Variants in LRBA observed in about 807,000 individuals in gnomAD.
LRBA encodes lipopolysaccharide-responsive and beige-like anchor protein.
Under a neutral mutation model 330.0 loss-of-function variants are expected in LRBA, and 176 were observed. That is an observed-to-expected ratio of 0.53 (90% confidence interval 0.47 to 0.60). The LOEUF (loss-of-function observed/expected upper bound fraction) is 0.60. Ranked by LOEUF, LRBA falls within the 20% of genes least tolerant of loss-of-function variation. The pLI, the probability that LRBA is intolerant of heterozygous loss-of-function variation, is 0.00. For missense variants in LRBA, 3,259 were observed against 3,444.8 expected, an observed-to-expected ratio of 0.95 and a Z score of 1.35; for synonymous variants, 1,230 against 1,193.0, an observed-to-expected ratio of 1.03 and a Z score of -0.64.
chr4:150,489,605 A>AATATATAAGAATATATT (rs1561252190), intron 41 of LRBA, among the ~76,000 whole-genome samples: 23 of 70,026 alleles, frequency 3.3e-4, no homozygotes, highest in African/African-American at 1.1e-3. Context: ...AAGAATATAT[A>AATATATAAGAATATATT]ATATATAATA....
intron 40 of LRBA, among the ~76,000 whole-genome samples, chr4:150,551,189 A>G (rs1036528685): frequency 2.6e-5 from 4 of 152,230 alleles, no homozygotes; most frequent in African/African-American, 9.6e-5. Flanking sequence ...CTCACCAGGT[A>G]CTGGCACCAT....
intron 36 of LRBA, among the ~76,000 whole-genome samples, chr4:150,697,333 A>C (rs1253496140): frequency 1.4e-5 from 2 of 146,628 alleles, no homozygotes; most frequent in African/African-American, 5.0e-5. Flanking sequence ...CAGAAAAAAA[A>C]AAAAAAAAAA....
At chr4:150,595,020 T>A (rs1561401810) in intron 38 of LRBA, among the ~76,000 whole-genome samples, 1 of 151,966 alleles carries the variant, frequency 6.6e-6, no homozygotes, top group African/African-American at 2.4e-5. Context: ...TTAGCATTTT[T>A]AAAAAAGACT....
intron 4 of LRBA, among the ~76,000 whole-genome samples, chr4:150,927,062 T>C (rs1221394408): frequency 1.5e-5 from 2 of 136,094 alleles, no homozygotes; most frequent in African/African-American, 5.6e-5. Context: ...AGAGCAAGAC[T>C]CCGTCTCAAA....
At chr4:150,520,836 A>AT (rs1295296247) in intron 40 of LRBA, among the ~76,000 whole-genome samples, 1 of 152,190 alleles carries the variant, frequency 6.6e-6, no homozygotes, top group East Asian at 1.9e-4. Context: ...TAACTATGCT[A>AT]TATAATAGTA....
At chr4:150,434,271 T>A (rs1386998607) in intron 46 of LRBA, among the ~76,000 whole-genome samples, 3 of 151,266 alleles carry the variant, frequency 2.0e-5, no homozygotes, top group Non-Finnish European at 3.0e-5. Context: ...AGACACCATT[T>A]AAAAAAAAAT....
intron 53 of LRBA, among the ~76,000 whole-genome samples, chr4:150,296,510 G>T (rs1203064618): frequency 1.3e-5 from 2 of 151,988 alleles, no homozygotes; most frequent in East Asian, 3.9e-4. Context: ...GAAATGTAAT[G>T]ATATACTTAG....
intron 2 of LRBA, among the ~76,000 whole-genome samples, chr4:150,970,030 A>C (rs1010201764): frequency 7.2e-5 from 11 of 152,210 alleles, no homozygotes; most frequent in African/African-American, 2.7e-4. Flanking sequence ...TGATTTTAAC[A>C]ACTTTTCACA....
intron 40 of LRBA, among the ~76,000 whole-genome samples, chr4:150,563,124 A>C (rs959972051): frequency 6.6e-6 from 1 of 152,096 alleles, no homozygotes; most frequent in Non-Finnish European, 1.5e-5. Context: ...CCTTATGACA[A>C]ATTTGTATAT....
At chr4:150,995,890 T>C (rs1261287029) in intron 2 of LRBA, among the ~76,000 whole-genome samples, 3 of 152,150 alleles carry the variant, frequency 2.0e-5, no homozygotes, top group African/African-American at 7.2e-5. Context: ...AGAGCAGAGC[T>C]ACAGAGGATC....
At chr4:151,006,758 T>A (rs1339510236) in intron 2 of LRBA, among the ~76,000 whole-genome samples, 1 of 152,156 alleles carries the variant, frequency 6.6e-6, no homozygotes, top group African/African-American at 2.4e-5. Context: ...AATTCAAAGG[T>A]CAACAAAACT....
intron 14 of LRBA, among the ~76,000 whole-genome samples, chr4:150,898,320 TGAA>T (rs1408635115): frequency 4.6e-5 from 7 of 152,088 alleles, no homozygotes; most frequent in African/African-American, 7.2e-5. Context: ...ATATCATTCA[TGAA>T]GAAGGGAAAT....
chr4:150,458,931 C>T (rs1754417824), intron 44 of LRBA, among the ~76,000 whole-genome samples: 1 of 151,906 alleles, frequency 6.6e-6, no homozygotes, highest in African/African-American at 2.4e-5. Context: ...GCTGCACCTC[C>T]ATTTTTAAGA....
At chr4:150,752,725 C>T (rs1733723182) in intron 35 of LRBA, among the ~76,000 whole-genome samples, 1 of 152,070 alleles carries the variant, frequency 6.6e-6, no homozygotes, top group East Asian at 1.9e-4. Flanking sequence ...TCACATCAAC[C>T]TGTTTTTCCA....
intron 50 of LRBA, among the ~76,000 whole-genome samples, chr4:150,316,820 G>A (rs892897551): frequency 6.6e-6 from 1 of 152,132 alleles, no homozygotes; most frequent in African/African-American, 2.4e-5. Context: ...CAAAAGGGGA[G>A]TGTGGGTGTA....
intron 33 of LRBA, among the ~76,000 whole-genome samples, chr4:150,805,088 C>T (rs1299804589): frequency 6.6e-6 from 1 of 151,120 alleles, no homozygotes; most frequent in African/African-American, 2.4e-5. Flanking sequence ...AGGAAATTTA[C>T]GGTAAATCTA....
chr4:150,395,488 T>C (rs550763275), intron 47 of LRBA, among the ~76,000 whole-genome samples: 1 of 152,150 alleles, frequency 6.6e-6, no homozygotes, highest in Non-Finnish European at 1.5e-5. Context: ...CCTTTAACTG[T>C]TATGGCCTCC....
chr4:150,832,251 C>T (rs546318777), intron 28 of LRBA, among the ~76,000 whole-genome samples: 6 of 152,138 alleles, frequency 3.9e-5, no homozygotes, highest in South Asian at 4.2e-4. Context: ...AATCTAAAGA[C>T]GTATGTCCTA....
At chr4:150,906,882 T>C (rs980310686) in intron 11 of LRBA, among the ~76,000 whole-genome samples, 1 of 152,058 alleles carries the variant, frequency 6.6e-6, no homozygotes, top group Non-Finnish European at 1.5e-5. Flanking sequence ...ATAGTCTGAA[T>C]GGAGCAGAGG....
Sources: gnomAD v4.1 joint callset for allele counts (sites outside exome capture counted in the v4.1 genomes callset) on GRCh38, gnomAD v4.1.1 for gene constraint, MANE v1.5 for transcripts, NCBI Gene and HGNC (gene_info 2026-07-23, HGNC 2026-07-21) for gene names.